Variants in LHFPL6 observed in about 807,000 individuals in gnomAD.
The protein encoded by LHFPL6 is LHFPL tetraspan subfamily member 6.
In LHFPL6, 9 loss-of-function variants were observed where a neutral mutation model predicts 20.6. The ratio of observed to expected loss-of-function variants is 0.44; its 90% confidence interval spans 0.26 to 0.76. LHFPL6 has a LOEUF of 0.76. Among genes scored for constraint, LHFPL6 ranks in the 30% least tolerant of loss-of-function variants. LHFPL6 has a pLI of 0.20. For missense variants in LHFPL6, 218 were observed against 253.5 expected, an observed-to-expected ratio of 0.86 and a Z score of 0.95; for synonymous variants, 105 against 98.7, an observed-to-expected ratio of 1.06 and a Z score of -0.38.
chr13:39,538,930 T>C (rs1297198399), intron 2 of LHFPL6, among the ~76,000 whole-genome samples: 3 of 152,236 alleles, frequency 2.0e-5, no homozygotes, highest in Non-Finnish European at 4.4e-5. Flanking sequence ...CTTTTTAGGG[T>C]AAGAGTAAAT....
intron 2 of LHFPL6, among the ~76,000 whole-genome samples, chr13:39,523,789 T>A (rs1373563309): frequency 1.3e-5 from 2 of 152,102 alleles, no homozygotes; most frequent in African/African-American, 4.8e-5. Flanking sequence ...TTACAAAAGA[T>A]TTAAAAGTGA....
chr13:39,345,537 A>AAAAAAAAAAAAAAAAAAAAAAAAAC (rs1593279014), intron 3 of LHFPL6, among the ~76,000 whole-genome samples: 1 of 146,504 alleles, frequency 6.8e-6, no homozygotes, highest in African/African-American at 2.5e-5. Context: ...AAAAAAAAAA[A>AAAAAAAAAAAAAAAAAAAAAAAAAC]AAAGAAAGAA....
intron 2 of LHFPL6, among the ~76,000 whole-genome samples, chr13:39,496,422 G>T (rs1418644364): frequency 1.3e-5 from 2 of 152,184 alleles, no homozygotes; most frequent in Non-Finnish European, 2.9e-5. Context: ...TATGAATGGA[G>T]AGGGGCACAA....
intron 2 of LHFPL6, among the ~76,000 whole-genome samples, chr13:39,492,323 T>C (rs1260725000): frequency 6.6e-6 from 1 of 152,210 alleles, no homozygotes; most frequent in African/African-American, 2.4e-5. Context: ...TAGCATTCAC[T>C]TTCTTAGTAA....
At chr13:39,374,309 A>C (rs1367222238) in intron 3 of LHFPL6, among the ~76,000 whole-genome samples, 2 of 152,156 alleles carry the variant, frequency 1.3e-5, no homozygotes, top group Non-Finnish European at 2.9e-5. Flanking sequence ...CATTTATATT[A>C]ATAAGTGGGA....
At chr13:39,473,441 T>G (rs1873000888) in intron 2 of LHFPL6, among the ~76,000 whole-genome samples, 1 of 151,722 alleles carries the variant, frequency 6.6e-6, no homozygotes, top group Non-Finnish European at 1.5e-5. Flanking sequence ...ACTGGGTACC[T>G]TAGGGACTCC....
At chr13:39,445,000 G>T (rs2138416754) in intron 2 of LHFPL6, among the ~76,000 whole-genome samples, 1 of 152,278 alleles carries the variant, frequency 6.6e-6, no homozygotes, top group Admixed American at 6.5e-5. Flanking sequence ...CTTATTAATT[G>T]GGTTAATGTC....
intron 2 of LHFPL6, among the ~76,000 whole-genome samples, chr13:39,492,508 G>C (rs898933295): frequency 8.6e-5 from 13 of 151,912 alleles, no homozygotes; most frequent in Non-Finnish European, 1.6e-4. Context: ...TCAAATAAAA[G>C]AGCAAATAAA....
At chr13:39,582,868 T>C (rs558363165) in intron 2 of LHFPL6, among the ~76,000 whole-genome samples, 71 of 152,322 alleles carry the variant, frequency 4.7e-4, no homozygotes, top group African/African-American at 1.6e-3. Context: ...AGGCCTAGCA[T>C]CTGCCATTCT....
chr13:39,594,047 T>C (rs1593377891), intron 2 of LHFPL6, among the ~76,000 whole-genome samples: 1 of 152,254 alleles, frequency 6.6e-6, no homozygotes, highest in East Asian at 1.9e-4. Context: ...ATTCAGGACA[T>C]AGGCATGGGC....
intron 2 of LHFPL6, among the ~76,000 whole-genome samples, chr13:39,553,196 A>C (rs140385101): frequency 1.3e-5 from 2 of 152,202 alleles, no homozygotes; most frequent in African/African-American, 4.8e-5. Context: ...CAATTAATGG[A>C]ATACAATTTA....
Position 39,542,508 on chromosome 13 carries a change from C to T in LHFPL6, c.385+58324G>A, listed in dbSNP as rs185844933. ...AGAATGTCTTTCCCATTTGGCTCAT[C>T]GCTCCACTGTGCCTCTTCTGCACCT... On this transcript the variant is annotated intron_variant, in intron 2 of 3. Coordinates refer to ENST00000379589, the MANE Select transcript of LHFPL6 (RefSeq NM_005780.3). 3.9e-4 allele frequency among the ~76,000 whole-genome samples: 60 copies of T among 152,308 alleles called. No individual in the cohort carries two copies. In the South Asian group the frequency reaches 9.3e-3, roughly 24 times the overall value.
At chr13:39,367,285 T>A (rs1264209001) in intron 3 of LHFPL6, among the ~76,000 whole-genome samples, 11 of 152,166 alleles carry the variant, frequency 7.2e-5, no homozygotes, top group Non-Finnish European at 1.5e-4. Flanking sequence ...TGGATGATGG[T>A]ATCATTTGTA....
intron 2 of LHFPL6, among the ~76,000 whole-genome samples, chr13:39,523,946 T>G (rs964950234): frequency 6.6e-6 from 1 of 151,890 alleles, no homozygotes; most frequent in Non-Finnish European, 1.5e-5. Flanking sequence ...TATCTTAACA[T>G]TAAAAAGAAA....
At chr13:39,595,060 A>G (rs1872727405) in intron 2 of LHFPL6, among the ~76,000 whole-genome samples, 1 of 152,228 alleles carries the variant, frequency 6.6e-6, no homozygotes, top group Non-Finnish European at 1.5e-5. Context: ...TGGCACATGT[A>G]TACATAGGTA....
At chr13:39,372,334 C>T (rs1593288995) in intron 3 of LHFPL6, among the ~76,000 whole-genome samples, 1 of 151,988 alleles carries the variant, frequency 6.6e-6, no homozygotes, top group East Asian at 1.9e-4. Context: ...GTTTGTTAAG[C>T]AAGGCAAGTA....
chr13:39,359,057 G>C (rs1869807671), intron 3 of LHFPL6, among the ~76,000 whole-genome samples: 1 of 152,096 alleles, frequency 6.6e-6, no homozygotes, highest in South Asian at 2.1e-4. Flanking sequence ...AGCTACTCGG[G>C]AGGCTGAGGC....
chr13:39,496,734 G>C (rs1331570983), intron 2 of LHFPL6, among the ~76,000 whole-genome samples: 1 of 152,170 alleles, frequency 6.6e-6, no homozygotes, highest in African/African-American at 2.4e-5. Flanking sequence ...TTAGTGAAAA[G>C]GCTAATTACA....
chr13:39,537,960 C>G lies in LHFPL6; in HGVS notation c.385+62872G>C, dbSNP rs1027471561. The stretch of plus-strand genomic sequence containing the variant: ...ACTTCTAGCTCTTTACTTCTCATAC[C>G]CTGAATGCCATTTTTCTTTCTTTCT... On this transcript the variant is annotated intron_variant, in intron 2 of 3. Transcript: ENST00000379589. Among the ~76,000 whole-genome samples, 4 of 150,726 alleles carry G rather than the reference C, an allele frequency of 2.7e-5. No individual in the cohort carries two copies. In the Admixed American group the frequency reaches 2.7e-4, roughly 10 times the overall value.
Sources: allele counts gnomAD v4.1 joint callset (sites outside exome capture counted in the v4.1 genomes callset), GRCh38; gene constraint gnomAD v4.1.1; transcripts MANE v1.5; gene names NCBI Gene and HGNC (gene_info 2026-07-23, HGNC 2026-07-21).